Variants in BOP1 observed in about 807,000 individuals in gnomAD.
BOP1 encodes the protein ribosome biogenesis protein BOP1.
BOP1 carries 54 observed loss-of-function variants against 82.9 expected under a neutral mutation model. The observed-to-expected ratio is 0.65, with a 90% CI of 0.52 to 0.82. The LOEUF is 0.82. Among genes scored for constraint, BOP1 ranks in the 40% least tolerant of loss-of-function variants. The pLI, the probability that BOP1 is intolerant of heterozygous loss-of-function variation, is 0.00. For missense variants in BOP1, 1,170 were observed against 1,072.0 expected (o/e 1.09, Z -1.28); for synonymous variants, 566 against 451.1 (o/e 1.25, Z -3.23).
At chr8:144,272,105 G>A (rs1382159441) in intron 3 of BOP1, among the ~76,000 whole-genome samples, 1 of 152,058 alleles carries the variant, frequency 6.6e-6, no homozygotes, top group Non-Finnish European at 1.5e-5. Context: ...CATAAGCAGG[G>A]GCTCCCAGAA....
chr8:144,263,360 C>G lies in BOP1; in HGVS notation c.1466G>C (p.Arg489Pro), dbSNP rs937020500. The G allele has an allele frequency of 3.9e-5, 63 of 1,596,872 alleles. No individual in the cohort carries two copies. Among genetic ancestry groups the G allele is most frequent in the Non-Finnish European group, 5.3e-5 (62 of 1,179,516 alleles). The stretch of plus-strand genomic sequence containing the variant: ...CTGATCTGTGCTGCCCGCCACCAGC[C>G]GGTCCCCCAGAGCTGGGTTCAGCAG... ...VLLLNPALGD[R>P]LVAGSTDQLL... Residue 489 changes from arginine (R) to proline (P), a missense_variant, in exon 12 of 16, where the codon CGG becomes CCG. By Grantham distance (103) the Arg-to-Pro change is moderately radical (BLOSUM62 -2). Coordinates refer to ENST00000569669, the MANE Select transcript of BOP1 (RefSeq NM_015201.5).
chr8:144,269,263 T>G (rs1238327379), intron 3 of BOP1, among the ~76,000 whole-genome samples: 1 of 152,226 alleles, frequency 6.6e-6, no homozygotes, highest in East Asian at 1.9e-4. Context: ...GGCGGTGCTG[T>G]GTGGACCACC....
rs1333577944 is a variant in BOP1, at chr8:144,262,838, G to A, written c.1894+15C>T. 111 of 728,144 alleles carry A rather than the reference G, an allele frequency of 1.5e-4. 2 individuals carry two copies. The African/African-American group carries it at 2.6e-3, about 17-fold the overall frequency. 45.1% of individuals were successfully genotyped at this position (728,144 alleles called of 1,614,324 possible). On this transcript the variant is annotated intron_variant, in intron 13 of 15. Coordinates refer to ENST00000569669, the MANE Select transcript of BOP1 (RefSeq NM_015201.5). ...CCACCCCTCACCTGCAGGGTGCACC[G>A]CCCCCACCCCTCACCTGCAGGGTGC...
chr8:144,274,272 C>T (rs1845537263), intron 3 of BOP1, among the ~76,000 whole-genome samples: 1 of 152,208 alleles, frequency 6.6e-6, no homozygotes, highest in Non-Finnish European at 1.5e-5. Context: ...GGTCGGCCCT[C>T]TCTCAGCCAG....
intron 2 of BOP1, among the ~76,000 whole-genome samples, 183 bp from the exon 3 acceptor site, chr8:144,276,487 C>T (rs1008495130): frequency 2.6e-5 from 4 of 152,164 alleles, no homozygotes; most frequent in African/African-American, 4.8e-5. Flanking sequence ...TGGCACCCGG[C>T]GCCGCAGGTC....
At position 144,291,223 on chromosome 8, in the gene BOP1, G is replaced by A; in HGVS notation, c.99+49C>T. On this transcript the variant is annotated intron_variant, in intron 1 of 15. Coordinates refer to ENST00000569669, the MANE Select transcript of BOP1 (RefSeq NM_015201.5). The surrounding 1 kb of genome is among the most constrained non-coding windows in gnomAD (Gnocchi z 4.1). ...CCCGCCCCAGCGCGGCCACGTGCCC[G>A]CCGGGCCCTCTAGGGACGCGCCCCG... The A allele has an allele frequency of 2.2e-6, 3 of 1,375,248 alleles. No individual in the cohort carries two copies. The highest frequency in any genetic ancestry group is 1.5e-5 in the African/African-American group (1 of 64,738). The allele number at this position is 1,375,248 out of a possible 1,614,324, so 85.2% of individuals were successfully genotyped here.
At chr8:144,279,740 A>G (rs1845639980) in intron 2 of BOP1, among the ~76,000 whole-genome samples, 1 of 152,196 alleles carries the variant, frequency 6.6e-6, no homozygotes, top group Admixed American at 6.5e-5. Context: ...GGCAGCCCAC[A>G]CTGACACCAC....
At chr8:144,275,280 C>T (rs1472251490) in intron 3 of BOP1, among the ~76,000 whole-genome samples, 1 of 152,168 alleles carries the variant, frequency 6.6e-6, no homozygotes, top group African/African-American at 2.4e-5. Flanking sequence ...GGACCACAGT[C>T]CTACCCTGGG....
In BOP1 at chr8:144,268,315, C is replaced by T. The variant is rs1482243824; in HGVS notation, c.391-3244G>A. On this transcript the variant is annotated intron_variant, in intron 3 of 15. Coordinates refer to ENST00000569669, the MANE Select transcript of BOP1 (RefSeq NM_015201.5). ...AGGGACAGACGGACGTACAGACAGG[C>T]GCCGGCAGCGGGACTCTGCGCTGGC... The T allele has an allele frequency of 1.5e-5, 14 of 918,190 alleles. No individual in the cohort carries two copies. In the South Asian group the frequency reaches 1.9e-4, roughly 12 times the overall value. The allele number at this position is 918,190 out of a possible 1,614,324, so 56.9% of individuals were successfully genotyped here.
At chr8:144,277,360 A>C (rs750395747) in intron 2 of BOP1, among the ~76,000 whole-genome samples, 36 of 152,232 alleles carry the variant, frequency 2.4e-4, no homozygotes, top group Non-Finnish European at 4.7e-4. Context: ...TGCCTGGAGC[A>C]CATGAGCCCC....
chr8:144,267,351 C>G (rs941320895), intron 3 of BOP1, among the ~76,000 whole-genome samples: 1 of 152,034 alleles, frequency 6.6e-6, no homozygotes, highest in Non-Finnish European at 1.5e-5. Flanking sequence ...GGGCTCCTCT[C>G]CAGGGCGTCC....
In BOP1 at chr8:144,263,548, G is replaced by T. The variant is rs1446389974; in HGVS notation, c.1354C>A (p.Pro452Thr). 3.7e-6 allele frequency: 6 copies of T among 1,601,056 alleles called. No homozygotes were observed. Among genetic ancestry groups the T allele is most frequent in the South Asian group, 2.2e-5 (2 of 91,040 alleles). The change falls in exon 11 of 16, where the codon CCC (proline) becomes ACC (threonine). Residue 452 changes from proline to threonine, a missense_variant. By Grantham distance (38) the Pro-to-Thr change is conservative. Transcript: ENST00000569669. Reference protein sequence around the residue: ...VATARCVRTVPVGGVVKSVAW... With the variant: ...VATARCVRTVTVGGVVKSVAW... Reference sequence around the variant, plus strand: ...ACACTCTTCACCACGCCCCCCACGGGAACAGTCCTCACACAGCGGGCAGTG... The same window carrying T: ...ACACTCTTCACCACGCCCCCCACGGTAACAGTCCTCACACAGCGGGCAGTG...
At chr8:144,277,712 G>A (rs1440269983) in intron 2 of BOP1, among the ~76,000 whole-genome samples, 8 of 151,640 alleles carry the variant, frequency 5.3e-5, no homozygotes, top group Non-Finnish European at 7.4e-5. Flanking sequence ...TCCCAGGGGC[G>A]CAGCATCCCC....
intron 2 of BOP1, 115 bp downstream of exon 2, chr8:144,288,980 G>T: frequency 8.6e-7 from 1 of 1,156,944 alleles, no homozygotes; most frequent in Non-Finnish European, 1.3e-6. Flanking sequence ...AAGGAGGGAC[G>T]CCGGCCTTGG....
chr8:144,264,512 C>T lies in BOP1; in HGVS notation c.765+3G>A, dbSNP rs1845311672. The T allele has an allele frequency of 1.2e-6, 2 of 1,609,684 alleles. No individual in the cohort carries two copies. Among genetic ancestry groups the T allele is most frequent in the Non-Finnish European group, 8.5e-7 (1 of 1,178,918 alleles). The stretch of plus-strand genomic sequence containing the variant: ...GCCAAGCCCCAGGGGCTGTGTGCCC[C>T]ACCTTCTCCTTCTCCACCAGGGAGG... On this transcript the variant is annotated splice_donor_region_variant and intron_variant, in intron 6 of 15. Transcript: ENST00000569669.
At chr8:144,280,972 TAATA>T (rs1845661254) in intron 2 of BOP1, among the ~76,000 whole-genome samples, 1 of 150,844 alleles carries the variant, frequency 6.6e-6, no homozygotes, top group South Asian at 2.1e-4. Context: ...TCTCTCACTT[TAATA>T]CCAGGTCTTC....
At chr8:144,267,144 G>A in intron 3 of BOP1, 1 of 1,531,428 alleles carries the variant, frequency 6.5e-7, no homozygotes, top group Non-Finnish European at 8.7e-7. Context: ...AGCCCAAACA[G>A]ATCTGCACCT....
chr8:144,264,683 C>CG, intron 5 of BOP1, 31 bp downstream of exon 5: 2 of 1,563,866 alleles, frequency 1.3e-6, no homozygotes, highest in South Asian at 1.2e-5. Context: ...CCAGGACCCC[C>CG]GCCGCCCAGG....
Position 144,263,350 on chromosome 8 carries a change from C to T in BOP1, c.1476G>A (p.Ala492=), listed in dbSNP as rs981201298. The change falls in exon 12 of 16, where the codon GCG becomes GCA. Residue 492 remains alanine (A), a synonymous_variant. Transcript: ENST00000569669. ...CGCTCAACAGCTGATCTGTGCTGCC[C>T]GCCACCAGCCGGTCCCCCAGAGCTG... ...LNPALGDRLV[A]GSTDQLLSAF... 2.4e-5 allele frequency: 38 copies of T among 1,595,602 alleles called. No homozygotes were observed. The highest frequency in any genetic ancestry group is 3.1e-5 in the Non-Finnish European group (36 of 1,179,246).
Sources: allele counts gnomAD v4.1 joint callset (sites outside exome capture counted in the v4.1 genomes callset), GRCh38; gene constraint gnomAD v4.1.1; non-coding constraint Gnocchi (gnomAD v3.1); transcripts MANE v1.5; gene names NCBI Gene and HGNC (gene_info 2026-07-23, HGNC 2026-07-21).